The following QSOX1 variants were observed in gnomAD, a reference collection of about 807,000 sequenced individuals.
The protein encoded by QSOX1 is quiescin sulfhydryl oxidase 1.
QSOX1 carries 40 observed loss-of-function variants against 76.1 expected under a neutral mutation model. That is an observed-to-expected ratio of 0.53 (90% CI 0.41 to 0.68). QSOX1 has a LOEUF of 0.68. Among genes scored for constraint, QSOX1 ranks in the 30% least tolerant of loss-of-function variants. The probability of loss-of-function intolerance (pLI) is 0.00; values close to 1 mark genes in which losing one functional copy is unlikely to be tolerated. For missense variants in QSOX1, 931 were observed against 974.3 expected, an observed-to-expected ratio of 0.96 and a Z score of 0.59; for synonymous variants, 392 against 413.1, an observed-to-expected ratio of 0.95 and a Z score of 0.62.
rs1663575053 is a variant in QSOX1, at chr1:180,199,065, G to C, written c.*2028G>C. ...CCCGGGCTGCACAGTGTGTAGCCCAGCCTCCAGGTCCACGGAGTGGTGTGG... is the reference window on the plus strand; with the variant it reads ...CCCGGGCTGCACAGTGTGTAGCCCACCCTCCAGGTCCACGGAGTGGTGTGG... On this transcript the variant is annotated 3_prime_UTR_variant, in exon 12 of 12. Transcript: ENST00000367602. 1 of 152,872 alleles carries C rather than the reference G, an allele frequency of 6.5e-6. No individual in the cohort carries two copies. The highest frequency in any genetic ancestry group is 6.5e-5 in the Admixed American group (1 of 15,368). The allele number at this position is 152,872 out of a possible 1,614,324, so 9.5% of individuals were successfully genotyped here. A position where few individuals can be genotyped will look rare whatever the true frequency, so the allele number is the denominator to read the frequency against.
intron 10 of QSOX1, among the ~76,000 whole-genome samples, chr1:180,192,234 C>T (rs1050621486): frequency 6.6e-6 from 1 of 152,236 alleles, no homozygotes; most frequent in African/African-American, 2.4e-5. Context: ...TGAAAGAAGG[C>T]TGCTGTGGCC....
intron 11 of QSOX1, among the ~76,000 whole-genome samples, chr1:180,194,971 G>A (rs768559209): frequency 8.0e-5 from 12 of 150,768 alleles, no homozygotes; most frequent in Non-Finnish European, 1.6e-4. Context: ...GGGAGGGAGC[G>A]GTGCACGTGG....
At chr1:180,171,699 T>C (rs966260723) in intron 2 of QSOX1, among the ~76,000 whole-genome samples, 4 of 152,046 alleles carry the variant, frequency 2.6e-5, no homozygotes, top group African/African-American at 9.7e-5. Context: ...GGACCTGACA[T>C]GTGTCTGTAG....
At chr1:180,176,054 C>A (rs779399285) in intron 4 of QSOX1, 21 bp downstream of exon 4, 2 of 1,551,408 alleles carry the variant, frequency 1.3e-6, no homozygotes, top group Non-Finnish European at 1.8e-6. Flanking sequence ...CTGGGGCAGG[C>A]TTAGTGCATT....
intron 8 of QSOX1, among the ~76,000 whole-genome samples, chr1:180,187,118 C>T (rs1663194860): frequency 1.3e-5 from 2 of 152,166 alleles, no homozygotes. Context: ...ATTTGTGCCT[C>T]TCCTTGGGAA....
chr1:180,195,257 G>A (rs1356862183), intron 11 of QSOX1, among the ~76,000 whole-genome samples: 2 of 152,114 alleles, frequency 1.3e-5, no homozygotes, highest in African/African-American at 2.4e-5. Context: ...GCCAGAAGCA[G>A]GGTGGTTCCC....
intron 8 of QSOX1, among the ~76,000 whole-genome samples, chr1:180,186,506 G>T (rs1215866141): frequency 6.6e-6 from 1 of 152,352 alleles, no homozygotes; most frequent in African/African-American, 2.4e-5. Flanking sequence ...CAGAGCCCCA[G>T]TGTGGCTTCC....
rs2149245388 is a variant in QSOX1, at chr1:180,200,682, C to T, written c.*3645C>T. ...AAGAGATTAAGAAACATCCTATCCC[C>T]TTTACTCCCACCAAAATAAATACAT... On this transcript the variant is annotated 3_prime_UTR_variant, in exon 12 of 12. Coordinates refer to ENST00000367602, the MANE Select transcript of QSOX1 (RefSeq NM_002826.5). 6.6e-6 allele frequency: 1 copy of T among 152,304 alleles called. No homozygotes were observed. 9.4% of individuals were successfully genotyped at this position (152,304 alleles called of 1,614,324 possible).
intron 5 of QSOX1, among the ~76,000 whole-genome samples, chr1:180,180,663 C>T (rs779708202): frequency 6.6e-6 from 1 of 152,184 alleles, no homozygotes; most frequent in African/African-American, 2.4e-5. Context: ...TACAGGCGCC[C>T]GCCACCACAC....
Position 180,183,904 on chromosome 1 carries a change from G to A in QSOX1, c.753-12G>A. 6.2e-7 allele frequency: 1 copy of A among 1,610,570 alleles called. No homozygotes were observed. The highest frequency in any genetic ancestry group is 1.7e-5 in the Admixed American group (1 of 59,782). On this transcript the variant is annotated splice_polypyrimidine_tract_variant and intron_variant, in intron 6 of 11. Coordinates refer to ENST00000367602, the MANE Select transcript of QSOX1 (RefSeq NM_002826.5). ...CTTACTGCCTCTCCTCCCTGGTTCT[G>A]TGCCCTCACAGGCTCATGGAATCCA... is the stretch of plus-strand genomic sequence containing the variant.
In QSOX1 at chr1:180,183,931, G is replaced by C; in HGVS notation, c.768G>C (p.Arg256Ser). 1 of 1,613,658 alleles carries C rather than the reference G, an allele frequency of 6.2e-7. No homozygotes were observed. Among genetic ancestry groups the C allele is most frequent in the East Asian group, 2.2e-5 (1 of 44,870 alleles). ...GCCCTCACAGGCTCATGGAATCCAG[G>C]TCCTTCTATACCGCTTACCTGCAGA... is the stretch of plus-strand genomic sequence containing the variant. The part of the protein sequence containing the change: ...VSRVPVLMES[R>S]SFYTAYLQRL... Residue 256 changes from arginine to serine, a missense_variant, in exon 7 of 12, where the codon AGG becomes AGC. Arg to Ser is a moderately radical substitution (Grantham distance 110). Coordinates refer to ENST00000367602, the MANE Select transcript of QSOX1 (RefSeq NM_002826.5).
chr1:180,159,661 T>C (rs1269635495), intron 1 of QSOX1, among the ~76,000 whole-genome samples: 1 of 152,202 alleles, frequency 6.6e-6, no homozygotes, highest in African/African-American at 2.4e-5. Flanking sequence ...AGAGGAGACT[T>C]CTGTATGTTG....
Position 180,197,858 on chromosome 1 carries a change from T to C in QSOX1, c.*821T>C. ...TTTTGGTCTCCAAGATGAATGCTCA[T>C]CTTTGGAGGGTGCCAGGTAGAAGCT... On this transcript the variant is annotated 3_prime_UTR_variant, in exon 12 of 12. Coordinates refer to ENST00000367602, the MANE Select transcript of QSOX1 (RefSeq NM_002826.5). The C allele has an allele frequency of 3.5e-6, 1 of 288,996 alleles. No individual in the cohort carries two copies. Among genetic ancestry groups the C allele is most frequent in the South Asian group, 3.2e-5 (1 of 31,094 alleles). 17.9% of individuals were successfully genotyped at this position (288,996 alleles called of 1,614,324 possible). A position where few individuals can be genotyped will look rare whatever the true frequency, so the allele number is the denominator to read the frequency against.
intron 2 of QSOX1, among the ~76,000 whole-genome samples, chr1:180,175,040 C>T (rs1045588826): frequency 6.6e-6 from 1 of 151,716 alleles, no homozygotes; most frequent in Non-Finnish European, 1.5e-5. Context: ...GCCTGTAGTC[C>T]CAGCTACCTG....
intron 4 of QSOX1, among the ~76,000 whole-genome samples, chr1:180,178,523 C>T (rs1418107979): frequency 6.6e-6 from 1 of 152,234 alleles, no homozygotes; most frequent in Non-Finnish European, 1.5e-5. Flanking sequence ...CCACCGCACC[C>T]GGCCCACTCC....
chr1:180,177,156 C>A (rs907714202), intron 4 of QSOX1, among the ~76,000 whole-genome samples: 1 of 152,116 alleles, frequency 6.6e-6, no homozygotes, highest in Admixed American at 6.5e-5. Flanking sequence ...TCCCTCCTTA[C>A]ACACACACGT....
At position 180,177,398 on chromosome 1, in the gene QSOX1, C is replaced by T. The variant is rs577471462; in HGVS notation, c.515+1365C>T. Reference sequence around the variant, plus strand: ...CCTCCCGAGTAGCTGGGACTACAGGCGCCTGCCACCAAGCCTGGCTAATTT... The same window carrying T: ...CCTCCCGAGTAGCTGGGACTACAGGTGCCTGCCACCAAGCCTGGCTAATTT... On this transcript the variant is annotated intron_variant, in intron 4 of 11. Transcript: ENST00000367602. Among the ~76,000 whole-genome samples the T allele has an allele frequency of 7.9e-5, 12 of 152,132 alleles. No homozygotes were observed. The South Asian group carries it at 8.3e-4, about 11-fold the overall frequency.
chr1:180,182,291 C>T lies in QSOX1; in HGVS notation c.724C>T (p.Arg242Trp), dbSNP rs200481798. ...TDFPSCYLLF[R>W]NGSVSRVPVL... The stretch of plus-strand genomic sequence containing the variant: ...CTTCCCCTCTTGCTACCTGCTGTTC[C>T]GGAATGGCTCTGTCTCCCGAGTCCC... The change falls in exon 6 of 12, where the codon CGG (arginine) becomes TGG (tryptophan). Residue 242 changes from arginine to tryptophan, a missense_variant. By Grantham distance (101) the Arg-to-Trp change is moderately radical (BLOSUM62 -3). Transcript: ENST00000367602. 61 of 1,614,224 alleles carry T rather than the reference C, an allele frequency of 3.8e-5. No homozygotes were observed. The highest frequency in any genetic ancestry group is 1.3e-4 in the Admixed American group (8 of 60,034).
intron 1 of QSOX1, among the ~76,000 whole-genome samples, chr1:180,155,756 A>C (rs879423723): frequency 1.1e-4 from 16 of 152,048 alleles, no homozygotes; most frequent in Admixed American, 8.5e-4. Flanking sequence ...CAGTTTTCCT[A>C]TCTCTGTTCC....
Sources: gnomAD v4.1 joint callset for allele counts (sites outside exome capture counted in the v4.1 genomes callset) on GRCh38, gnomAD v4.1.1 for gene constraint, MANE v1.5 for transcripts, NCBI Gene and HGNC (gene_info 2026-07-23, HGNC 2026-07-21) for gene names.